CCDC170: variants seen among roughly 807,000 people sequenced by gnomAD.
CCDC170 encodes the protein coiled-coil domain containing 170.
CCDC170 carries 69 observed loss-of-function variants against 72.6 expected under a neutral mutation model. The ratio of observed to expected loss-of-function variants is 0.95; its 90% CI spans 0.78 to 1.16. The LOEUF (loss-of-function observed/expected upper bound fraction) is 1.16, where lower values mean the gene tolerates loss of function less well. Ranked by LOEUF, CCDC170 falls within the 50% of genes most tolerant of loss-of-function variation. The probability of loss-of-function intolerance (pLI) is 0.00; values close to 1 mark genes in which losing one functional copy is unlikely to be tolerated. For synonymous variants in CCDC170, 300 were observed against 303.9 expected, an observed-to-expected ratio of 0.99 and a Z score of 0.13; for missense variants, 852 against 832.5, an observed-to-expected ratio of 1.02 and a Z score of -0.29.
At position 151,615,335 on chromosome 6, in the gene CCDC170, T is replaced by C. The variant is rs1031257509; in HGVS notation, c.1711-108T>C. 119 of 789,826 alleles carry C rather than the reference T, an allele frequency of 1.5e-4. 1 individual carries two copies. The Middle Eastern group carries it at 2.1e-3, about 14-fold the overall frequency. The allele number at this position is 789,826 out of a possible 1,614,324, so 48.9% of individuals were successfully genotyped here. A position where few individuals can be genotyped will look rare whatever the true frequency, so the allele number is the denominator to read the frequency against. On this transcript the variant is annotated intron_variant, in intron 9 of 10. Coordinates refer to ENST00000239374, the MANE Select transcript of CCDC170 (RefSeq NM_025059.4). ...GTTTGGGATGAACTCCATTCTTTAT[T>C]CATAAAAAGGGTATGAAGTGAATTC...
At chr6:151,617,182 C>T (rs1355926500) in intron 10 of CCDC170, among the ~76,000 whole-genome samples, 2 of 152,044 alleles carry the variant, frequency 1.3e-5, no homozygotes, top group Non-Finnish European at 2.9e-5. Flanking sequence ...TCTGCTTTTG[C>T]ATTAACCTAG....
At chr6:151,595,124 G>A (rs891070832) in intron 8 of CCDC170, among the ~76,000 whole-genome samples, 5 of 152,184 alleles carry the variant, frequency 3.3e-5, no homozygotes, top group African/African-American at 1.2e-4. Context: ...CAAGTGCAGA[G>A]TAGATAATTA....
intron 1 of CCDC170, among the ~76,000 whole-genome samples, chr6:151,496,289 C>A (rs1482671973): frequency 6.6e-6 from 1 of 152,088 alleles, no homozygotes; most frequent in African/African-American, 2.4e-5. Flanking sequence ...CAGATTTTTC[C>A]CCTTTAGCAA....
chr6:151,549,412 T>C (rs2115059921), intron 5 of CCDC170, among the ~76,000 whole-genome samples: 1 of 152,322 alleles, frequency 6.6e-6, no homozygotes, highest in South Asian at 2.1e-4. Context: ...TGTCTTACTT[T>C]AGTTAAATTA....
Position 151,615,473 on chromosome 6 carries a change from G to A in CCDC170, c.1741G>A (p.Glu581Lys). ...IKTLEQTKAI[E>K]DLNKSRDQLE... Reference sequence around the variant, plus strand: ...AACTTTGGAACAGACTAAAGCCATTGAAGATCTAAACAAATCCAGAGACCA... The same window carrying A: ...AACTTTGGAACAGACTAAAGCCATTAAAGATCTAAACAAATCCAGAGACCA... Residue 581 changes from glutamate (E) to lysine (K), a missense_variant, in exon 10 of 11, where the codon GAA (glutamate) becomes AAA (lysine). By Grantham distance (56) the Glu-to-Lys change is moderately conservative. Coordinates refer to ENST00000239374, the MANE Select transcript of CCDC170 (RefSeq NM_025059.4). The A allele has an allele frequency of 6.2e-7, 1 of 1,613,928 alleles. No individual in the cohort carries two copies. The highest frequency in any genetic ancestry group is 8.5e-7 in the Non-Finnish European group (1 of 1,179,874).
At chr6:151,614,741 C>T (rs976728882) in intron 9 of CCDC170, among the ~76,000 whole-genome samples, 1 of 151,868 alleles carries the variant, frequency 6.6e-6, no homozygotes, top group African/African-American at 2.4e-5. Flanking sequence ...GCATGAGCCA[C>T]CACATCTGGC....
intron 3 of CCDC170, among the ~76,000 whole-genome samples, chr6:151,541,945 C>T (rs193302762): frequency 2.8e-3 from 398 of 141,764 alleles, no homozygotes; most frequent in Middle Eastern, 0.014. Flanking sequence ...AGTGACATGA[C>T]CTTGGCTCAC....
chr6:151,572,653 T>TTTTTTTTTTTTTTG (rs1776237501), intron 5 of CCDC170, among the ~76,000 whole-genome samples: 1 of 100,502 alleles, frequency 1.0e-5, no homozygotes. Context: ...CTCTGTGTTT[T>TTTTTTTTTTTTTTG]TTTTTTTTTT....
Position 151,621,103 on chromosome 6 carries a change from A to C in CCDC170, c.*2956A>C, listed in dbSNP as rs1378419271. On this transcript the variant is annotated 3_prime_UTR_variant, in exon 11 of 11. Transcript: ENST00000239374. ...GAAATGGGAACAATAAATTCTGTAC[A>C]TGTATACAGTCCATATACACATTAA... 1 of 152,244 alleles carries C rather than the reference A, an allele frequency of 6.6e-6. No homozygotes were observed. The highest frequency in any genetic ancestry group is 1.5e-5 in the Non-Finnish European group (1 of 68,038). The allele number at this position is 152,244 out of a possible 1,614,324, so 9.4% of individuals were successfully genotyped here. A position where few individuals can be genotyped will look rare whatever the true frequency, so the allele number is the denominator to read the frequency against.
At chr6:151,570,713 C>G (rs1029661101) in intron 5 of CCDC170, among the ~76,000 whole-genome samples, 12 of 152,132 alleles carry the variant, frequency 7.9e-5, no homozygotes, top group Non-Finnish European at 1.5e-4. Context: ...TTATTATCAC[C>G]TTTACTGATA....
At chr6:151,571,499 G>A (rs780381030) in intron 5 of CCDC170, among the ~76,000 whole-genome samples, 8 of 152,200 alleles carry the variant, frequency 5.3e-5, no homozygotes, top group South Asian at 2.1e-4. Context: ...AGGCCGAAGC[G>A]GGTAGATCAC....
At chr6:151,524,803 A>G (rs1782376087) in intron 1 of CCDC170, among the ~76,000 whole-genome samples, 1 of 151,986 alleles carries the variant, frequency 6.6e-6, no homozygotes, top group Non-Finnish European at 1.5e-5. Context: ...AAAGTTTGGT[A>G]TGTACTTTTA....
At chr6:151,567,429 A>T (rs1262421378) in intron 5 of CCDC170, among the ~76,000 whole-genome samples, 1 of 151,724 alleles carries the variant, frequency 6.6e-6, no homozygotes, top group African/African-American at 2.4e-5. Flanking sequence ...ACAGGGTTTC[A>T]CCATGTTGCC....
At chr6:151,580,512 T>C (rs1562289318) in intron 6 of CCDC170, among the ~76,000 whole-genome samples, 1 of 152,142 alleles carries the variant, frequency 6.6e-6, no homozygotes, top group Non-Finnish European at 1.5e-5. Context: ...TAGCTATGAA[T>C]GTATCAGTAG....
chr6:151,573,242 G>T lies in CCDC170; in HGVS notation c.843G>T (p.Leu281=). The T allele has an allele frequency of 6.2e-7, 1 of 1,614,122 alleles. No individual in the cohort carries two copies. Among genetic ancestry groups the T allele is most frequent in the South Asian group, 1.1e-5 (1 of 91,080 alleles). ...AAGTTAAGATCTTCCAAGAAAGGCTGCTTGCTGGCCAGCAGGTCTGGGATG... is the reference window on the plus strand; with the variant it reads ...AAGTTAAGATCTTCCAAGAAAGGCTTCTTGCTGGCCAGCAGGTCTGGGATG... The part of the protein sequence containing the change: ...EREVKIFQER[L]LAGQQVWDAS... Residue 281 remains leucine (L), a synonymous_variant, in exon 6 of 11, where the codon CTG becomes CTT. Coordinates refer to ENST00000239374, the MANE Select transcript of CCDC170 (RefSeq NM_025059.4).
At chr6:151,532,076 A>T (rs1371958375) in intron 1 of CCDC170, among the ~76,000 whole-genome samples, 1 of 152,220 alleles carries the variant, frequency 6.6e-6, no homozygotes, top group African/African-American at 2.4e-5. Context: ...GAATAGAGGT[A>T]TAAAAATTGG....
intron 4 of CCDC170, among the ~76,000 whole-genome samples, chr6:151,547,595 T>G (rs1562278303): frequency 6.6e-6 from 1 of 152,114 alleles, no homozygotes; most frequent in Non-Finnish European, 1.5e-5. Context: ...GGTATATCAC[T>G]TCCACGGAGA....
chr6:151,528,554 T>A (rs921081595), intron 1 of CCDC170, among the ~76,000 whole-genome samples: 1 of 152,164 alleles, frequency 6.6e-6, no homozygotes, highest in African/African-American at 2.4e-5. Flanking sequence ...TTTGTAAATA[T>A]AGAAGCATAG....
chr6:151,593,219 T>G lies in CCDC170; in HGVS notation c.1406T>G (p.Val469Gly), dbSNP rs1005267387. Residue 469 changes from valine (V) to glycine (G), a missense_variant, in exon 8 of 11, where the codon GTT becomes GGT. Coordinates refer to ENST00000239374, the MANE Select transcript of CCDC170 (RefSeq NM_025059.4). ...GTTTTAGCTCGAACAGAGCAGCTGG[T>G]TCGTCTTGAGAGCAATGCAGTCATT... The part of the protein sequence containing the change: ...DVVLARTEQL[V>G]RLESNAVIEN... 3.7e-5 allele frequency: 59 copies of G among 1,614,038 alleles called. No homozygotes were observed. The highest frequency in any genetic ancestry group is 4.9e-5 in the Non-Finnish European group (58 of 1,180,026).
Sources: gnomAD v4.1 joint callset for allele counts (sites outside exome capture counted in the v4.1 genomes callset) on GRCh38, gnomAD v4.1.1 for gene constraint, MANE v1.5 for transcripts, NCBI Gene and HGNC (gene_info 2026-07-23, HGNC 2026-07-21) for gene names.